Variants in CHRNA7 observed in about 807,000 individuals in gnomAD.
CHRNA7 encodes the protein cholinergic receptor nicotinic alpha 7 subunit, also known as neuronal acetylcholine receptor subunit alpha-7.
A neutral mutation model predicts 48.0 loss-of-function variants in CHRNA7; 17 were observed. The ratio of observed to expected loss-of-function variants is 0.35; its 90% CI spans 0.24 to 0.53. The LOEUF (loss-of-function observed/expected upper bound fraction) is 0.53. Ranked by LOEUF, CHRNA7 falls within the 20% of genes least tolerant of loss-of-function variation. The pLI is 0.92. For synonymous variants in CHRNA7, 75 were observed against 242.3 expected (o/e 0.31, Z 6.41); for missense variants, 155 against 577.7 (o/e 0.27, Z 7.50).
At chr15:32,086,758 T>C (rs1424871926) in intron 2 of CHRNA7, among the ~76,000 whole-genome samples, 1 of 152,172 alleles carries the variant, frequency 6.6e-6, no homozygotes, top group Admixed American at 6.5e-5. Flanking sequence ...TGGTCAGATA[T>C]TTTGTAACAT....
At chr15:32,124,592 A>G (rs1380683364) in intron 4 of CHRNA7, among the ~76,000 whole-genome samples, 2 of 152,262 alleles carry the variant, frequency 1.3e-5, no homozygotes, top group Non-Finnish European at 2.9e-5. Flanking sequence ...AAGCAGATAA[A>G]TATTACTCAG....
At chr15:32,043,004 T>C (rs2049475843) in intron 2 of CHRNA7, among the ~76,000 whole-genome samples, 1 of 152,170 alleles carries the variant, frequency 6.6e-6, no homozygotes, top group African/African-American at 2.4e-5. Flanking sequence ...TCTGGCAGAG[T>C]TCATGCTATC....
intron 4 of CHRNA7, among the ~76,000 whole-genome samples, chr15:32,132,181 C>T (rs895075188): frequency 1.3e-5 from 2 of 152,126 alleles, no homozygotes; most frequent in Admixed American, 6.5e-5. Flanking sequence ...TGGCTAGACA[C>T]GGTCCAGCTG....
intron 4 of CHRNA7, among the ~76,000 whole-genome samples, chr15:32,140,027 C>G (rs1360964127): frequency 6.6e-6 from 1 of 152,144 alleles, no homozygotes; most frequent in Non-Finnish European, 1.5e-5. Context: ...CATCCATTAA[C>G]TGGTCATTTA....
At chr15:32,117,106 T>C (rs1215257324) in intron 4 of CHRNA7, among the ~76,000 whole-genome samples, 2 of 151,938 alleles carry the variant, frequency 1.3e-5, no homozygotes, top group Admixed American at 6.6e-5. Flanking sequence ...TGGGAAGGGA[T>C]CCTGGGAAGC....
At chr15:32,076,119 C>T (rs991523660) in intron 2 of CHRNA7, among the ~76,000 whole-genome samples, 3 of 152,056 alleles carry the variant, frequency 2.0e-5, no homozygotes, top group South Asian at 2.1e-4. Flanking sequence ...TCCATGGCCA[C>T]GTGAAAAGAG....
At chr15:32,059,727 A>AT (rs200499036) in intron 2 of CHRNA7, among the ~76,000 whole-genome samples, 57 of 151,374 alleles carry the variant, frequency 3.8e-4, no homozygotes, top group African/African-American at 7.0e-4. Flanking sequence ...TAGAGAAATG[A>AT]TTTTTTTTTG....
chr15:32,143,873 A>G (rs990846318), intron 4 of CHRNA7, among the ~76,000 whole-genome samples: 10 of 152,176 alleles, frequency 6.6e-5, no homozygotes, highest in South Asian at 2.1e-4. Flanking sequence ...TCTTTATCCA[A>G]TATTCTAGTC....
chr15:32,084,899 C>T (rs1312996419), intron 2 of CHRNA7, among the ~76,000 whole-genome samples: 3 of 151,692 alleles, frequency 2.0e-5, no homozygotes, highest in African/African-American at 7.3e-5. Flanking sequence ...ACGGCACGAT[C>T]ACAGCTCACT....
At chr15:32,034,094 G>C (rs909273216) in intron 2 of CHRNA7, among the ~76,000 whole-genome samples, 1 of 152,162 alleles carries the variant, frequency 6.6e-6, no homozygotes, top group Admixed American at 6.5e-5. Context: ...AATTACATGT[G>C]ATGAAATTTA....
chr15:32,060,214 C>T (rs78227366), intron 2 of CHRNA7, among the ~76,000 whole-genome samples: 2,817 of 152,208 alleles, frequency 0.019, 82 homozygotes, highest in African/African-American at 0.065. Context: ...ATTCACTCTA[C>T]AAACGGTCCT....
chr15:32,147,087 G>T (rs1440805150), intron 4 of CHRNA7, among the ~76,000 whole-genome samples: 1 of 152,158 alleles, frequency 6.6e-6, no homozygotes, highest in Admixed American at 6.5e-5. Flanking sequence ...TTATAGCTTT[G>T]CTGTAATCCG....
At chr15:32,166,252 C>G (rs896067567) in intron 9 of CHRNA7, 1 of 152,310 alleles carries the variant, frequency 6.6e-6, no homozygotes, top group Non-Finnish European at 1.5e-5. Context: ...TCACCGGACC[C>G]TGAAAGGCCC....
intron 2 of CHRNA7, among the ~76,000 whole-genome samples, chr15:32,055,939 G>A (rs892446356): frequency 2.6e-5 from 4 of 151,738 alleles, no homozygotes; most frequent in Non-Finnish European, 4.4e-5. Context: ...AGATCATGCC[G>A]CTGCACTCCA....
intron 2 of CHRNA7, among the ~76,000 whole-genome samples, chr15:32,058,024 C>G (rs2049815729): frequency 6.6e-6 from 1 of 152,196 alleles, no homozygotes; most frequent in Non-Finnish European, 1.5e-5. Flanking sequence ...TCAGACTAAA[C>G]AGAAACTGTA....
chr15:32,143,067 T>A (rs2051414853), intron 4 of CHRNA7, among the ~76,000 whole-genome samples: 1 of 152,226 alleles, frequency 6.6e-6, no homozygotes, highest in East Asian at 1.9e-4. Flanking sequence ...GTGCTATAAA[T>A]TTCCCTCTAC....
At position 32,089,446 on chromosome 15, in the gene CHRNA7, A is replaced by T. The variant is rs772771694; in HGVS notation, c.196-11857A>T. Among the ~76,000 whole-genome samples, 3 of 152,110 alleles carry T rather than the reference A, an allele frequency of 2.0e-5. No homozygotes were observed. In the East Asian group the frequency reaches 5.8e-4, roughly 29 times the overall value. On this transcript the variant is annotated intron_variant, in intron 2 of 9. Coordinates refer to ENST00000306901, the MANE Select transcript of CHRNA7 (RefSeq NM_000746.6). Reference sequence around the variant, plus strand: ...TCTTTCTTTTTTCTTTTGAAACTTTACAAGGCTTAAATTTCATTTAACTTA... The same window carrying T: ...TCTTTCTTTTTTCTTTTGAAACTTTTCAAGGCTTAAATTTCATTTAACTTA...
intron 2 of CHRNA7, among the ~76,000 whole-genome samples, chr15:32,066,621 G>A (rs1328812380): frequency 2.6e-5 from 4 of 152,162 alleles, no homozygotes; most frequent in African/African-American, 4.8e-5. Context: ...AAAAATATAT[G>A]TATGAGACAT....
chr15:32,036,142 T>TTGAA (rs1165881559), intron 2 of CHRNA7, among the ~76,000 whole-genome samples: 9 of 152,242 alleles, frequency 5.9e-5, no homozygotes, highest in African/African-American at 2.2e-4. Context: ...GTCTCCATAG[T>TTGAA]TGAACCCTTT....
Sources: allele counts gnomAD v4.1 joint callset (sites outside exome capture counted in the v4.1 genomes callset), GRCh38; gene constraint gnomAD v4.1.1; transcripts MANE v1.5; gene names NCBI Gene and HGNC (gene_info 2026-07-23, HGNC 2026-07-21).